Variants in IDS observed in about 807,000 individuals in gnomAD.
IDS encodes the protein alpha-L-iduronate sulfate sulfatase.
In IDS, 1 loss-of-function variant was observed where a neutral mutation model predicts 33.5. The observed-to-expected ratio is 0.03, with a 90% confidence interval of 0.01 to 0.14. The LOEUF (loss-of-function observed/expected upper bound fraction) is 0.14. Ranked by LOEUF, IDS falls within the 10% of genes least tolerant of loss-of-function variation. The pLI, the probability that IDS is intolerant of heterozygous loss-of-function variation, is 1.00. For missense variants in IDS, 328 were observed against 448.0 expected, an observed-to-expected ratio of 0.73 and a Z score of 2.42; for synonymous variants, 191 against 184.4, an observed-to-expected ratio of 1.04 and a Z score of -0.29.
intron 7 of IDS, chrX:149,487,399 G>T: frequency 1.4e-6 from 1 of 703,974 alleles, no homozygotes. Context: ...AGGACTCTGT[G>T]GCGGTTCCCA....
intron 5 of IDS, among the ~76,000 whole-genome samples, chrX:149,497,878 C>A (rs1478512547): frequency 8.9e-6 from 1 of 112,610 alleles, no homozygotes; most frequent in African/African-American, 3.2e-5. Context: ...AAATCAAACC[C>A]TCCAGTGGAG....
Position 149,498,239 on chromosome X carries a change from G to C in IDS, c.576C>G (p.Pro192=), listed in dbSNP as rs1286461259. 1.7e-6 allele frequency: 2 copies of C among 1,211,462 alleles called. No individual in the cohort carries two copies. Among genetic ancestry groups the C allele is most frequent in the African/African-American group, 1.7e-5 (1 of 57,819 alleles). ...TCTGTTTGTCAGGCAAGGTGCCCTC[G>C]GGAACATCCAGCACATCCACAGGGC... The part of the protein sequence containing the change: ...LLCPVDVLDV[P]EGTLPDKQST... The change falls in exon 5 of 9, where the codon CCC becomes CCG. Residue 192 remains proline, a synonymous_variant. Transcript: ENST00000340855.
chrX:149,496,055 C>T (rs372531023), intron 6 of IDS, among the ~76,000 whole-genome samples: 3 of 112,384 alleles, frequency 2.7e-5, no homozygotes, highest in Admixed American at 9.3e-5. Context: ...GGAACGGTCA[C>T]CCAGGCTGGT....
At chrX:149,489,359 C>A (rs1036270860) in intron 7 of IDS, among the ~76,000 whole-genome samples, 25 of 112,310 alleles carry the variant, frequency 2.2e-4, no homozygotes, top group Non-Finnish European at 7.5e-5. Flanking sequence ...ATGTTACAAA[C>A]ATACACATGT....
chrX:149,493,377 TGA>T (rs2089409617), intron 6 of IDS, among the ~76,000 whole-genome samples: 1 of 111,289 alleles, frequency 9.0e-6, no homozygotes, highest in South Asian at 3.7e-4. Context: ...AGTGCTGAGG[TGA>T]GAGTTTAGTG....
At position 149,487,479 on chromosome X, in the gene IDS, C is replaced by T. The variant is rs140161278; in HGVS notation, c.1007-381G>A. Among the ~76,000 whole-genome samples the T allele has an allele frequency of 0.011, 1,228 of 112,160 alleles. 18 individuals are homozygous for T. The highest frequency in any genetic ancestry group is 0.038 in the African/African-American group (1,176 of 30,807). Reference sequence around the variant, plus strand: ...CTGGGAACCCTGAAAGCTGTAGTGTCACCACTGCCCTGTCCTGTGCCTACC... The same window carrying T: ...CTGGGAACCCTGAAAGCTGTAGTGTTACCACTGCCCTGTCCTGTGCCTACC... On this transcript the variant is annotated intron_variant, in intron 7 of 8. Coordinates refer to ENST00000340855, the MANE Select transcript of IDS (RefSeq NM_000202.8).
At chrX:149,491,788 C>A in intron 6 of IDS, 1 of 403,816 alleles carries the variant, frequency 2.5e-6, no homozygotes. Context: ...TGATGAGCCA[C>A]CCCATCCAGT....
intron 6 of IDS, among the ~76,000 whole-genome samples, chrX:149,492,918 G>A (rs2089405297): frequency 9.1e-6 from 1 of 109,834 alleles, no homozygotes; most frequent in Non-Finnish European, 1.9e-5. Context: ...GAACCCAAGG[G>A]TGACTCCAGG....
chrX:149,485,050 G>C (rs782292040), intron 8 of IDS, among the ~76,000 whole-genome samples: 2 of 111,996 alleles, frequency 1.8e-5, no homozygotes, highest in South Asian at 7.4e-4. Context: ...ATGTAGTCAT[G>C]TGGAAGCAAT....
At chrX:149,498,569 A>G (rs2089454348) in intron 4 of IDS, among the ~76,000 whole-genome samples, 1 of 112,496 alleles carries the variant, frequency 8.9e-6, no homozygotes, top group African/African-American at 3.2e-5. Context: ...ACCCCGATAG[A>G]CTAATTATAA....
At position 149,482,642 on chromosome X, in the gene IDS, G is replaced by T; in HGVS notation, c.*104C>A. Reference sequence around the variant, plus strand: ...CATGTTTGGATTAACTAGCCCTCAGGCTGCTTCCAATATTATGGGTAATCA... The same window carrying T: ...CATGTTTGGATTAACTAGCCCTCAGTCTGCTTCCAATATTATGGGTAATCA... On this transcript the variant is annotated 3_prime_UTR_variant, in exon 9 of 9. Coordinates refer to ENST00000340855, the MANE Select transcript of IDS (RefSeq NM_000202.8). The T allele has an allele frequency of 8.7e-7, 1 of 1,154,980 alleles. No homozygotes were observed. Among genetic ancestry groups the T allele is most frequent in the Non-Finnish European group, 1.2e-6 (1 of 863,295 alleles).
intron 8 of IDS, among the ~76,000 whole-genome samples, chrX:149,483,516 T>C (rs1452479134): frequency 9.0e-6 from 1 of 111,358 alleles, no homozygotes; most frequent in African/African-American, 3.3e-5. Flanking sequence ...GGATCATCAA[T>C]TAAGGCTACA....
At chrX:149,503,550 A>C (rs1342821609) in intron 2 of IDS, 61 bp from the exon 3 acceptor site, 1 of 1,061,162 alleles carries the variant, frequency 9.4e-7, no homozygotes, top group African/African-American at 1.9e-5. Flanking sequence ...GCCATCTCTT[A>C]GGTAACCAAG....
In IDS at chrX:149,480,234, G is replaced by A. The variant is rs782189125; in HGVS notation, c.*2512C>T. On this transcript the variant is annotated 3_prime_UTR_variant, in exon 9 of 9. Coordinates refer to ENST00000340855, the MANE Select transcript of IDS (RefSeq NM_000202.8). Reference sequence around the variant, plus strand: ...TCAAAGAGAGATTTTAGGAAGACACGTGGATTATTTTAGGGACAGGGGAGG... The same window carrying A: ...TCAAAGAGAGATTTTAGGAAGACACATGGATTATTTTAGGGACAGGGGAGG... 155 of 286,633 alleles carry A rather than the reference G, an allele frequency of 5.4e-4. No individual in the cohort carries two copies. Among genetic ancestry groups the A allele is most frequent in the African/African-American group, 4.1e-3 (144 of 35,421 alleles). The allele number at this position is 286,633 out of a possible 1,213,427, so 23.6% of individuals were successfully genotyped here.
intron 8 of IDS, among the ~76,000 whole-genome samples, chrX:149,484,585 G>T (rs1445669435): frequency 1.8e-5 from 2 of 112,945 alleles, no homozygotes; most frequent in African/African-American, 6.4e-5. Flanking sequence ...CTCCCAAAGT[G>T]CTGGGATTAC....
In IDS at chrX:149,488,089, T is replaced by G. The variant is rs782568430; in HGVS notation, c.1007-991A>C. On this transcript the variant is annotated intron_variant, in intron 7 of 8. Transcript: ENST00000340855. ...CACTCATCAATAATCAAAGCAGACT[T>G]GATGCCCATCAGAGATGCCCAATGA... 1.4e-4 allele frequency among the ~76,000 whole-genome samples: 13 copies of G among 93,810 alleles called. No individual in the cohort carries two copies. In the South Asian group the frequency reaches 7.0e-3, roughly 50 times the overall value. 81.5% of individuals were successfully genotyped at this position (93,810 alleles called of 115,157 possible).
At position 149,505,190 on chromosome X, in the gene IDS, G is replaced by T; in HGVS notation, c.-53C>A. 1 of 933,168 alleles carries T rather than the reference G, an allele frequency of 1.1e-6. No individual in the cohort carries two copies. Among genetic ancestry groups the T allele is most frequent in the East Asian group, 3.3e-5 (1 of 30,035 alleles). 76.9% of individuals were successfully genotyped at this position (933,168 alleles called of 1,213,427 possible). ...CGGCGGGGACAGGCTGCAGCAGGTG[G>T]CGCAGTTAGCAGCCGCCGCCGCAGC... On this transcript the variant is annotated 5_prime_UTR_variant, in exon 1 of 9. Transcript: ENST00000340855.
intron 4 of IDS, among the ~76,000 whole-genome samples, chrX:149,498,672 A>G (rs1220315419): frequency 2.6e-5 from 3 of 113,236 alleles, no homozygotes; most frequent in African/African-American, 9.6e-5. Context: ...TGATATACAA[A>G]TGGCCAATTG....
chrX:149,494,545 G>A (rs782702505), intron 6 of IDS, among the ~76,000 whole-genome samples: 6 of 111,098 alleles, frequency 5.4e-5, no homozygotes, highest in South Asian at 3.9e-4. Context: ...GCTTGGATGC[G>A]GACATCCAAA....
Sources: gnomAD v4.1 joint callset for allele counts (sites outside exome capture counted in the v4.1 genomes callset) on GRCh38, gnomAD v4.1.1 for gene constraint, MANE v1.5 for transcripts, NCBI Gene and HGNC (gene_info 2026-07-23, HGNC 2026-07-21) for gene names.